Variants in ANTXR1 observed in about 807,000 individuals in gnomAD.
ANTXR1 encodes the protein ANTXR cell adhesion molecule 1.
A neutral mutation model predicts 78.1 loss-of-function variants in ANTXR1; 19 were observed. That is an observed-to-expected ratio of 0.24 (90% CI 0.17 to 0.36). The LOEUF is 0.36. Ranked by LOEUF, ANTXR1 falls within the 10% of genes least tolerant of loss-of-function variation. ANTXR1 has a pLI of 1.00. For synonymous variants in ANTXR1, 273 were observed against 260.5 expected, an observed-to-expected ratio of 1.05 and a Z score of -0.46; for missense variants, 518 against 718.6, an observed-to-expected ratio of 0.72 and a Z score of 3.19.
intron 12 of ANTXR1, chr2:69,146,454 T>C (rs753505810): frequency 1.5e-4 from 133 of 872,696 alleles, no homozygotes; most frequent in Non-Finnish European, 1.8e-4. Flanking sequence ...AGACTCCACG[T>C]GTGGCTGTTT....
At chr2:69,044,660 G>C (rs757815530) in intron 2 of ANTXR1, 82 bp from the exon 3 acceptor site, 1 of 1,445,622 alleles carries the variant, frequency 6.9e-7, no homozygotes, top group South Asian at 1.1e-5. Flanking sequence ...GTGATAGAAA[G>C]GGAAGGACAG....
intron 16 of ANTXR1, among the ~76,000 whole-genome samples, chr2:69,190,308 G>A (rs1573965945): frequency 6.6e-6 from 1 of 152,190 alleles, no homozygotes; most frequent in Admixed American, 6.5e-5. Flanking sequence ...TGGAGTGATT[G>A]GGGCAGAAGG....
chr2:69,014,751 G>T (rs1357077022), intron 1 of ANTXR1, among the ~76,000 whole-genome samples: 2 of 152,132 alleles, frequency 1.3e-5, no homozygotes, highest in African/African-American at 4.8e-5. Context: ...TTTAGGAGTT[G>T]GAAAAAGAGT....
Position 69,195,799 on chromosome 2 carries a change from G to T in ANTXR1, c.1434+2384G>T, listed in dbSNP as rs74263548. ...ATAATAATAAGATCCCTAAACTAAG[G>T]TTCAGTAGTACTATTTTTTTGTGAC... On this transcript the variant is annotated intron_variant, in intron 17 of 17. Transcript: ENST00000303714. Among the ~76,000 whole-genome samples the T allele has an allele frequency of 9.9e-3, 1,500 of 152,136 alleles. 54 individuals are homozygous for T. The East Asian group carries it at 0.12, about 13-fold the overall frequency.
chr2:69,129,820 G>A (rs1412060433), intron 12 of ANTXR1, among the ~76,000 whole-genome samples: 1 of 152,086 alleles, frequency 6.6e-6, no homozygotes, highest in Non-Finnish European at 1.5e-5. Context: ...AAATGCCATA[G>A]GATTTCAGAG....
chr2:69,065,361 G>A (rs1020783659), intron 3 of ANTXR1, among the ~76,000 whole-genome samples: 1 of 146,166 alleles, frequency 6.8e-6, no homozygotes, highest in Non-Finnish European at 1.5e-5. Flanking sequence ...GGAGGCAGAG[G>A]TTGCAGTGAG....
At chr2:69,132,366 G>A (rs1054288069) in intron 12 of ANTXR1, among the ~76,000 whole-genome samples, 1 of 152,220 alleles carries the variant, frequency 6.6e-6, no homozygotes, top group African/African-American at 2.4e-5. Flanking sequence ...AAATTTCCAG[G>A]TGTCTGTTTT....
chr2:69,216,853 G>T (rs900442470), intron 17 of ANTXR1, among the ~76,000 whole-genome samples: 2 of 152,172 alleles, frequency 1.3e-5, no homozygotes, highest in Admixed American at 1.3e-4. Context: ...TTCTTGACCC[G>T]TGTTTGGCAC....
chr2:69,170,836 C>T (rs181446813), intron 14 of ANTXR1, among the ~76,000 whole-genome samples: 20 of 152,296 alleles, frequency 1.3e-4, no homozygotes, highest in Non-Finnish European at 1.0e-4. Flanking sequence ...CTCAAATTCT[C>T]GTCATCTAAA....
rs117469250 is a variant in ANTXR1, at chr2:69,181,947, C to T, written c.1185+66C>T. 297 of 1,497,668 alleles carry T rather than the reference C, an allele frequency of 2.0e-4. 1 individual carries two copies. In the East Asian group the frequency reaches 6.6e-3, roughly 34 times the overall value. The allele number at this position is 1,497,668 out of a possible 1,614,324, so 92.8% of individuals were successfully genotyped here. On this transcript the variant is annotated intron_variant, in intron 15 of 17. Transcript: ENST00000303714. Reference sequence around the variant, plus strand: ...TACTCCCATCGAGGTACCAGCCGGGCCTGACCCTGCTTAGCCTCTAGATAT... The same window carrying T: ...TACTCCCATCGAGGTACCAGCCGGGTCTGACCCTGCTTAGCCTCTAGATAT...
chr2:69,090,322 C>T (rs1338399171), intron 8 of ANTXR1, among the ~76,000 whole-genome samples: 6 of 151,836 alleles, frequency 4.0e-5, no homozygotes, highest in Non-Finnish European at 8.8e-5. Flanking sequence ...TCCTTCTCAC[C>T]TTTGCTCATA....
At chr2:69,192,938 GT>G (rs1309319440) in intron 16 of ANTXR1, among the ~76,000 whole-genome samples, 1 of 152,138 alleles carries the variant, frequency 6.6e-6, no homozygotes, top group African/African-American at 2.4e-5. Context: ...TTTATCATTA[GT>G]GTCTTTACTA....
intron 3 of ANTXR1, among the ~76,000 whole-genome samples, chr2:69,045,458 A>G (rs1454344142): frequency 6.6e-6 from 1 of 152,166 alleles, no homozygotes; most frequent in Non-Finnish European, 1.5e-5. Flanking sequence ...TGGAGAGGAT[A>G]GTCTTCCCCC....
At chr2:69,176,520 G>T (rs1674122684) in intron 14 of ANTXR1, among the ~76,000 whole-genome samples, 1 of 152,086 alleles carries the variant, frequency 6.6e-6, no homozygotes, top group Non-Finnish European at 1.5e-5. Flanking sequence ...CCCAGACCTG[G>T]GAGTTTCTGT....
chr2:69,123,678 G>A (rs1432774381), intron 11 of ANTXR1, among the ~76,000 whole-genome samples: 2 of 152,242 alleles, frequency 1.3e-5, no homozygotes, highest in East Asian at 1.9e-4. Flanking sequence ...ATTTATAGGG[G>A]AAAATCTCAT....
intron 14 of ANTXR1, among the ~76,000 whole-genome samples, chr2:69,173,416 C>T (rs906333042): frequency 3.3e-5 from 5 of 152,154 alleles, no homozygotes; most frequent in African/African-American, 1.2e-4. Context: ...CTTTTCACTC[C>T]AGACCATAGA....
At chr2:69,215,156 A>G (rs1675145237) in intron 17 of ANTXR1, among the ~76,000 whole-genome samples, 1 of 152,142 alleles carries the variant, frequency 6.6e-6, no homozygotes, top group South Asian at 2.1e-4. Context: ...TCTTCAGGGA[A>G]CCCATTCCAA....
intron 8 of ANTXR1, among the ~76,000 whole-genome samples, chr2:69,079,801 C>T (rs948888196): frequency 6.6e-6 from 1 of 152,204 alleles, no homozygotes; most frequent in African/African-American, 2.4e-5. Flanking sequence ...AAAGGGACAA[C>T]TCTTATCTGT....
chr2:69,026,725 AG>A (rs1304798793), intron 1 of ANTXR1, among the ~76,000 whole-genome samples: 1 of 152,244 alleles, frequency 6.6e-6, no homozygotes, highest in Non-Finnish European at 1.5e-5. Flanking sequence ...TAATGAGCTG[AG>A]GGGCTTAATG....
Sources: allele counts gnomAD v4.1 joint callset (sites outside exome capture counted in the v4.1 genomes callset), GRCh38; gene constraint gnomAD v4.1.1; transcripts MANE v1.5; gene names NCBI Gene and HGNC (gene_info 2026-07-23, HGNC 2026-07-21).